The following CDK14 variants were observed in gnomAD, a reference collection of about 807,000 sequenced individuals.
The protein encoded by CDK14 is cyclin-dependent kinase 14.
In CDK14, 34 loss-of-function variants were observed where a neutral mutation model predicts 60.7. The observed-to-expected ratio is 0.56, with a 90% CI of 0.43 to 0.75. The LOEUF is 0.75. Among genes scored for constraint, CDK14 ranks in the 30% least tolerant of loss-of-function variants. The pLI is 0.00. For synonymous variants in CDK14, 197 were observed against 203.7 expected, an observed-to-expected ratio of 0.97 and a Z score of 0.28; for missense variants, 482 against 564.1, an observed-to-expected ratio of 0.85 and a Z score of 1.47.
intron 2 of CDK14, among the ~76,000 whole-genome samples, chr7:90,670,694 C>CTGTG (rs1327027748): frequency 6.6e-6 from 1 of 152,090 alleles, no homozygotes; most frequent in East Asian, 1.9e-4. Context: ...CAACCAGATC[C>CTGTG]TGTGAGAACT....
At chr7:90,782,145 T>G (rs1053906870) in intron 4 of CDK14, among the ~76,000 whole-genome samples, 2 of 152,000 alleles carry the variant, frequency 1.3e-5, no homozygotes, top group African/African-American at 4.8e-5. Flanking sequence ...CCCTTGTAAG[T>G]TGGATTCCTA....
intron 4 of CDK14, among the ~76,000 whole-genome samples, chr7:90,757,816 T>G (rs1389054977): frequency 4.6e-5 from 7 of 152,118 alleles, no homozygotes; most frequent in African/African-American, 1.7e-4. Context: ...TTGCCCAGAC[T>G]GGTCTCGAAC....
At chr7:90,899,233 T>C (rs1313250980) in intron 6 of CDK14, 58 bp from the exon 7 acceptor site, 9 of 1,332,368 alleles carry the variant, frequency 6.8e-6, no homozygotes, top group South Asian at 1.4e-5. Context: ...TAGGAAAATA[T>C]TGATTTATTA....
rs557762131 is a variant in CDK14 at position 91,155,726 on chromosome 7, A to G, written c.*28+37518A>G. 2.1e-4 allele frequency among the ~76,000 whole-genome samples: 32 copies of G among 152,302 alleles called. 1 individual carries two copies. The Middle Eastern group carries it at 0.01, about 49-fold the overall frequency. On this transcript the variant is annotated intron_variant, in intron 14 of 14. Coordinates refer to ENST00000380050, the MANE Select transcript of CDK14 (RefSeq NM_001287135.2). ...TAACTTGCAAAGTCTCCCCTTTGAA[A>G]CTGAGGCCATTTTTGTGTCATTGAA...
chr7:90,749,468 G>A (rs1042019815), intron 4 of CDK14, among the ~76,000 whole-genome samples: 2 of 151,190 alleles, frequency 1.3e-5, no homozygotes, highest in Admixed American at 6.6e-5. Flanking sequence ...TGCTCACTTT[G>A]TTCAGCATCC....
At chr7:90,753,544 A>G (rs1803931486) in intron 4 of CDK14, among the ~76,000 whole-genome samples, 2 of 152,180 alleles carry the variant, frequency 1.3e-5, no homozygotes, top group Non-Finnish European at 2.9e-5. Flanking sequence ...TGAACTGACA[A>G]CAGCTGGAAG....
At chr7:90,714,053 G>A (rs759877511) in intron 2 of CDK14, among the ~76,000 whole-genome samples, 1 of 151,954 alleles carries the variant, frequency 6.6e-6, no homozygotes, top group African/African-American at 2.4e-5. Context: ...TTTTCTATCA[G>A]CTGCATTATA....
intron 12 of CDK14, among the ~76,000 whole-genome samples, chr7:91,106,065 G>A (rs534087707): frequency 3.9e-5 from 6 of 152,310 alleles, no homozygotes; most frequent in African/African-American, 1.4e-4. Context: ...ATTACAAAAT[G>A]AGAGAAGAGA....
intron 4 of CDK14, among the ~76,000 whole-genome samples, chr7:90,756,960 T>C (rs1479808709): frequency 6.6e-6 from 1 of 152,236 alleles, no homozygotes. Context: ...TTCATTGTAT[T>C]AGTTTGCTAG....
intron 2 of CDK14, among the ~76,000 whole-genome samples, chr7:90,649,371 TTCCTTCCTTCCTTCCTTCC>T (rs1563030078): frequency 1.5e-4 from 6 of 41,208 alleles, no homozygotes; most frequent in Admixed American, 3.3e-4. Flanking sequence ...CTTCCTTTCC[TTCCTTCCTTCCTTCCTTCC>T]TTCCTTCTTT....
At chr7:90,708,964 G>T (rs542693791) in intron 2 of CDK14, among the ~76,000 whole-genome samples, 1 of 152,060 alleles carries the variant, frequency 6.6e-6, no homozygotes, top group African/African-American at 2.4e-5. Context: ...TAGCAGTCTG[G>T]CATCCTTCCT....
chr7:91,079,398 A>G, intron 11 of CDK14, 34 bp from the exon 12 acceptor site: 1 of 1,427,006 alleles, frequency 7.0e-7, no homozygotes, highest in Non-Finnish European at 9.8e-7. Context: ...CATTTGATAC[A>G]AAGATTGTTT....
At chr7:91,082,435 A>G (rs1798508517) in intron 12 of CDK14, among the ~76,000 whole-genome samples, 1 of 152,166 alleles carries the variant, frequency 6.6e-6, no homozygotes, top group Non-Finnish European at 1.5e-5. Flanking sequence ...GTTCCCACAC[A>G]TGTTATGGTT....
rs550285700 is a variant in CDK14, at chr7:91,019,422, A to T, written c.1042-26475A>T. On this transcript the variant is annotated intron_variant, in intron 10 of 14. Transcript: ENST00000380050. ...AATTTTGACTGAATTATGAACAATA[A>T]TACATGATTTTAAAGTATAGCCAGA... 2.6e-5 allele frequency among the ~76,000 whole-genome samples: 4 copies of T among 152,336 alleles called. No individual in the cohort carries two copies. In the East Asian group the frequency reaches 7.7e-4, roughly 29 times the overall value.
At chr7:90,629,745 G>C (rs1201602149) in intron 2 of CDK14, among the ~76,000 whole-genome samples, 1 of 152,136 alleles carries the variant, frequency 6.6e-6, no homozygotes, top group Non-Finnish European at 1.5e-5. Context: ...AACCTAACTT[G>C]GCTGGGTGCG....
At chr7:91,101,810 T>G (rs1799152805) in intron 12 of CDK14, among the ~76,000 whole-genome samples, 1 of 152,170 alleles carries the variant, frequency 6.6e-6, no homozygotes, top group Non-Finnish European at 1.5e-5. Context: ...TTGACCAATT[T>G]CTGACCCCTC....
chr7:91,161,224 A>G (rs1349887302), intron 14 of CDK14, among the ~76,000 whole-genome samples: 1 of 151,968 alleles, frequency 6.6e-6, no homozygotes, highest in Admixed American at 6.6e-5. Context: ...GGTAGGGAGT[A>G]GACGGAGAGG....
At chr7:91,026,905 G>A (rs559102318) in intron 10 of CDK14, among the ~76,000 whole-genome samples, 56 of 152,208 alleles carry the variant, frequency 3.7e-4, no homozygotes, top group African/African-American at 1.1e-3. Flanking sequence ...AAATTAAAAC[G>A]TCATGTGTTT....
At chr7:90,808,729 G>A (rs1252330797) in intron 5 of CDK14, among the ~76,000 whole-genome samples, 1 of 152,138 alleles carries the variant, frequency 6.6e-6, no homozygotes, top group Non-Finnish European at 1.5e-5. Context: ...CCCATCTCAT[G>A]TGCAGAGACA....
Sources: allele counts gnomAD v4.1 joint callset (sites outside exome capture counted in the v4.1 genomes callset), GRCh38; gene constraint gnomAD v4.1.1; transcripts MANE v1.5; gene names NCBI Gene and HGNC (gene_info 2026-07-23, HGNC 2026-07-21).